Variants in MAP4K5 observed in about 807,000 individuals in gnomAD.
The protein encoded by MAP4K5 is MAPK/ERK kinase kinase kinase 5.
In MAP4K5, 82 loss-of-function variants were observed where a neutral mutation model predicts 135.6. That is an observed-to-expected ratio of 0.60 (90% CI 0.51 to 0.73). The LOEUF is 0.73. MAP4K5 is among the 30% of genes least tolerant of loss of function. MAP4K5 has a pLI of 0.00. For missense variants in MAP4K5, 907 were observed against 1,010.9 expected (o/e 0.90, Z 1.39); for synonymous variants, 347 against 335.0 (o/e 1.04, Z -0.39).
At chr14:50,425,690 A>G (rs1381531417) in intron 31 of MAP4K5, among the ~76,000 whole-genome samples, 7 of 152,344 alleles carry the variant, frequency 4.6e-5, no homozygotes, top group African/African-American at 1.2e-4. Context: ...GCATGAACTT[A>G]TATTTTGCAA....
chr14:50,460,181 A>G (rs1462694265), intron 13 of MAP4K5, among the ~76,000 whole-genome samples: 6 of 152,122 alleles, frequency 3.9e-5, no homozygotes, highest in Admixed American at 3.3e-4. Flanking sequence ...TCCAGTCCCT[A>G]TGATATCCCT....
At chr14:50,456,424 T>C in intron 14 of MAP4K5, 92 bp downstream of exon 14, 1 of 942,148 alleles carries the variant, frequency 1.1e-6, no homozygotes. Context: ...TATGTAGCCT[T>C]AGTCTGAAAT....
intron 1 of MAP4K5, among the ~76,000 whole-genome samples, chr14:50,553,047 C>T (rs574629503): frequency 6.6e-6 from 1 of 152,224 alleles, no homozygotes; most frequent in African/African-American, 2.4e-5. Context: ...GTAATCTCAG[C>T]ACTTTGGGAG....
At position 50,532,092 on chromosome 14, in the gene MAP4K5, C is replaced by A; in HGVS notation, c.-43G>T. 1 of 1,266,142 alleles carries A rather than the reference C, an allele frequency of 7.9e-7. No individual in the cohort carries two copies. The highest frequency in any genetic ancestry group is 1.3e-5 in the South Asian group (1 of 77,050). The allele number at this position is 1,266,142 out of a possible 1,614,324, so 78.4% of individuals were successfully genotyped here. A position where few individuals can be genotyped will look rare whatever the true frequency, so the allele number is the denominator to read the frequency against. On this transcript the variant is annotated 5_prime_UTR_variant, in exon 2 of 33. Transcript: ENST00000682126. ...CCCCCGCCAGCTCACCCCGCGGCTC[C>A]CGGATTCCCGCTAACAAGCACGAAC...
intron 31 of MAP4K5, among the ~76,000 whole-genome samples, chr14:50,424,812 G>A (rs1477522786): frequency 6.6e-6 from 1 of 151,856 alleles, no homozygotes; most frequent in African/African-American, 2.4e-5. Flanking sequence ...CTAACCATAG[G>A]AGTGACATAA....
chr14:50,471,291 C>T lies in MAP4K5; in HGVS notation c.543-2509G>A, dbSNP rs2036955555. ...GAAAAAAGTCATTTAATTTGTTCAT[C>T]AAGGGACACATTATTCAGAATATAT... On this transcript the variant is annotated intron_variant, in intron 9 of 32. Coordinates refer to ENST00000682126, the MANE Select transcript of MAP4K5 (RefSeq NM_006575.6). Among the ~76,000 whole-genome samples the T allele has an allele frequency of 2.0e-5, 3 of 152,120 alleles. No individual in the cohort carries two copies. The South Asian group carries it at 6.2e-4, about 32-fold the overall frequency.
intron 30 of MAP4K5, 75 bp downstream of exon 30, chr14:50,428,587 A>G: frequency 3.6e-6 from 3 of 827,124 alleles, no homozygotes; most frequent in Non-Finnish European, 3.7e-6. Context: ...GCTGGTCTAG[A>G]CAACCCTAAG....
chr14:50,439,475 C>G (rs893623590), intron 23 of MAP4K5, among the ~76,000 whole-genome samples: 1 of 151,848 alleles, frequency 6.6e-6, no homozygotes, highest in Admixed American at 6.6e-5. Flanking sequence ...AATGTGTGTC[C>G]AGAACAACAT....
At chr14:50,456,454 T>TA in intron 14 of MAP4K5, 62 bp downstream of exon 14, 1 of 1,192,178 alleles carries the variant, frequency 8.4e-7, no homozygotes, top group South Asian at 1.3e-5. Context: ...CTACAAAACA[T>TA]ACAAGAACAC....
intron 2 of MAP4K5, among the ~76,000 whole-genome samples, chr14:50,512,805 C>A (rs1014248025): frequency 2.6e-5 from 4 of 152,124 alleles, no homozygotes; most frequent in Non-Finnish European, 5.9e-5. Flanking sequence ...TTTTGGAGTA[C>A]CAGTTTTTGA....
At chr14:50,434,694 C>T in intron 27 of MAP4K5, 123 bp from the exon 28 acceptor site, 1 of 882,218 alleles carries the variant, frequency 1.1e-6, no homozygotes, top group Non-Finnish European at 1.7e-6. Context: ...AAAAGGATTA[C>T]CTCTAAGATG....
chr14:50,490,119 G>A (rs1034011074), intron 3 of MAP4K5, among the ~76,000 whole-genome samples: 1 of 111,228 alleles, frequency 9.0e-6, no homozygotes, highest in Admixed American at 9.9e-5. Flanking sequence ...GAGAGACAGA[G>A]AGCGAGTGAG....
At chr14:50,496,562 G>C (rs75468996) in intron 3 of MAP4K5, among the ~76,000 whole-genome samples, 1,840 of 151,694 alleles carry the variant, frequency 0.012, 10 homozygotes, top group Non-Finnish European at 0.02. Context: ...ATGGTGCAAC[G>C]CAGTGATGTG....
At chr14:50,452,419 C>G (rs1353649233) in intron 14 of MAP4K5, among the ~76,000 whole-genome samples, 11 of 152,112 alleles carry the variant, frequency 7.2e-5, no homozygotes, top group African/African-American at 2.7e-4. Flanking sequence ...GACGGCAGTT[C>G]CCCTGGAGCT....
In MAP4K5 at chr14:50,419,872, T is replaced by G; in HGVS notation, c.*147A>C. 1.6e-6 allele frequency: 1 copy of G among 610,548 alleles called. No individual in the cohort carries two copies. The highest frequency in any genetic ancestry group is 2.9e-6 in the Non-Finnish European group (1 of 342,950). The allele number at this position is 610,548 out of a possible 1,614,324, so 37.8% of individuals were successfully genotyped here. A position where few individuals can be genotyped will look rare whatever the true frequency, so the allele number is the denominator to read the frequency against. The stretch of plus-strand genomic sequence containing the variant: ...TAGCTGTTTCCAGCTGCAGAAAATA[T>G]TGAATTCTACCCTAAAGTACAGATC... On this transcript the variant is annotated 3_prime_UTR_variant, in exon 33 of 33. Coordinates refer to ENST00000682126, the MANE Select transcript of MAP4K5 (RefSeq NM_006575.6).
At chr14:50,428,796 G>T (rs1566633416) in intron 29 of MAP4K5, 42 bp from the exon 30 acceptor site, 2 of 914,408 alleles carry the variant, frequency 2.2e-6, no homozygotes, top group Admixed American at 3.2e-5. Flanking sequence ...ATGCAAATCT[G>T]CTAAAATAAA....
intron 3 of MAP4K5, among the ~76,000 whole-genome samples, chr14:50,504,280 G>A (rs1378865981): frequency 6.6e-6 from 1 of 151,986 alleles, no homozygotes; most frequent in African/African-American, 2.4e-5. Flanking sequence ...AAACTTTTAG[G>A]ATATCAAAAT....
intron 15 of MAP4K5, among the ~76,000 whole-genome samples, chr14:50,448,433 A>G (rs1406710194): frequency 1.3e-5 from 2 of 152,066 alleles, no homozygotes; most frequent in East Asian, 3.8e-4. Flanking sequence ...GTAAGGCAAT[A>G]CAGAATGTAG....
At chr14:50,489,928 G>C (rs935930262) in intron 3 of MAP4K5, among the ~76,000 whole-genome samples, 2 of 152,146 alleles carry the variant, frequency 1.3e-5, no homozygotes, top group Non-Finnish European at 2.9e-5. Flanking sequence ...ACAGGAAAGG[G>C]AGAAATACTA....
Sources: allele counts gnomAD v4.1 joint callset (sites outside exome capture counted in the v4.1 genomes callset), GRCh38; gene constraint gnomAD v4.1.1; transcripts MANE v1.5; gene names NCBI Gene and HGNC (gene_info 2026-07-23, HGNC 2026-07-21).